The following PGCKA1 variants were observed in gnomAD, a reference collection of about 807,000 sequenced individuals.
PGCKA1 encodes the protein PDCD10 and GCKIII kinases associated 1.
chr4:37,526,794 T>C, the PGCKA1 span, among the ~76,000 whole-genome samples: 37 of 152,356 alleles, frequency 2.4e-4, no homozygotes, highest in African/African-American at 7.9e-4. Context: ...CATAAATGTC[T>C]GTGTTACAAG....
the PGCKA1 span, among the ~76,000 whole-genome samples, chr4:37,552,080 G>C: frequency 2.0e-5 from 3 of 152,216 alleles, no homozygotes; most frequent in Admixed American, 1.3e-4. Flanking sequence ...ATCAAAGACA[G>C]GCAGCCCGGG....
chr4:37,504,933 CT>C, the PGCKA1 span, among the ~76,000 whole-genome samples: 5 of 152,156 alleles, frequency 3.3e-5, no homozygotes, highest in Non-Finnish European at 7.3e-5. Flanking sequence ...CCTAATTTCT[CT>C]GGTTAGAACT....
the PGCKA1 span, among the ~76,000 whole-genome samples, chr4:37,556,488 C>G: frequency 6.6e-6 from 1 of 152,084 alleles, no homozygotes; most frequent in Non-Finnish European, 1.5e-5. Context: ...AGGCTGGTCT[C>G]GAACTCCTGA....
At chr4:37,470,766 A>G in the PGCKA1 span, among the ~76,000 whole-genome samples, 1 of 152,154 alleles carries the variant, frequency 6.6e-6, no homozygotes, top group African/African-American at 2.4e-5. Flanking sequence ...GTTTTGGTGA[A>G]CCCTAATATT....
the PGCKA1 span, among the ~76,000 whole-genome samples, chr4:37,541,888 A>T: frequency 1.6e-4 from 24 of 152,168 alleles, no homozygotes; most frequent in Non-Finnish European, 3.5e-4. Flanking sequence ...TACAGAGGAG[A>T]GAGTCCAGTG....
chr4:37,586,474 C>T, the PGCKA1 span, among the ~76,000 whole-genome samples: 318 of 152,164 alleles, frequency 2.1e-3, 1 homozygote, highest in African/African-American at 7.1e-3. Flanking sequence ...ACGGCTGGTC[C>T]GAGGGACTCT....
chr4:37,564,973 CACACACACACAG>C, the PGCKA1 span, among the ~76,000 whole-genome samples: 2,325 of 152,226 alleles, frequency 0.015, 73 homozygotes, highest in African/African-American at 0.054. Flanking sequence ...CACACGTACA[CACACACACACAG>C]ACACACACAC....
At chr4:37,549,307 G>A in the PGCKA1 span, among the ~76,000 whole-genome samples, 20 of 152,160 alleles carry the variant, frequency 1.3e-4, no homozygotes, top group South Asian at 3.3e-3. Flanking sequence ...TAGTCCAATT[G>A]CCTATCCCTT....
At chr4:37,498,383 G>A in the PGCKA1 span, among the ~76,000 whole-genome samples, 1 of 152,094 alleles carries the variant, frequency 6.6e-6, no homozygotes, top group African/African-American at 2.4e-5. Context: ...CTTTGGCTGT[G>A]TGGGATCTCT....
chr4:37,534,376 G>A, the PGCKA1 span, among the ~76,000 whole-genome samples: 3 of 152,140 alleles, frequency 2.0e-5, no homozygotes, highest in African/African-American at 4.8e-5. Flanking sequence ...TTAAAGCCAC[G>A]CCTTGGACTC....
At chr4:37,484,526 T>G in the PGCKA1 span, among the ~76,000 whole-genome samples, 1 of 152,118 alleles carries the variant, frequency 6.6e-6, no homozygotes, top group Non-Finnish European at 1.5e-5. Context: ...AGGGCCTTTG[T>G]GGGGAGCATA....
At chr4:37,483,083 G>A in the PGCKA1 span, among the ~76,000 whole-genome samples, 1 of 151,638 alleles carries the variant, frequency 6.6e-6, no homozygotes. Context: ...AATCATGGGG[G>A]CAGTTTCCCC....
the PGCKA1 span, among the ~76,000 whole-genome samples, chr4:37,482,969 G>A: frequency 6.6e-6 from 1 of 151,966 alleles, no homozygotes; most frequent in Non-Finnish European, 1.5e-5. Flanking sequence ...AGGGGCCAGG[G>A]GAAGAATGAT....
chr4:37,466,468 G>C, the PGCKA1 span, among the ~76,000 whole-genome samples: 11 of 152,240 alleles, frequency 7.2e-5, no homozygotes, highest in African/African-American at 2.6e-4. Context: ...TTTATTTTAA[G>C]AACAGTGAGA....
At chr4:37,476,663 A>C in the PGCKA1 span, among the ~76,000 whole-genome samples, 2 of 152,198 alleles carry the variant, frequency 1.3e-5, no homozygotes, top group South Asian at 2.1e-4. Context: ...CATTGTGCTA[A>C]AACATAGATG....
the PGCKA1 span, among the ~76,000 whole-genome samples, chr4:37,487,184 A>G: frequency 6.6e-6 from 1 of 152,188 alleles, no homozygotes; most frequent in African/African-American, 2.4e-5. Context: ...GGTTAAGGAA[A>G]TATTTCAAAA....
chr4:37,574,124 G>A, the PGCKA1 span, among the ~76,000 whole-genome samples: 72 of 151,752 alleles, frequency 4.7e-4, no homozygotes, highest in Non-Finnish European at 1.6e-4. Context: ...GGAGGCGGAG[G>A]TAGCAGTGAG....
At chr4:37,549,535 T>C in the PGCKA1 span, among the ~76,000 whole-genome samples, 1 of 151,540 alleles carries the variant, frequency 6.6e-6, no homozygotes, top group Admixed American at 6.6e-5. Flanking sequence ...AAACATAAAG[T>C]CCCCCCATGC....
chr4:37,473,168 T>G, the PGCKA1 span, among the ~76,000 whole-genome samples: 1 of 152,150 alleles, frequency 6.6e-6, no homozygotes, highest in East Asian at 1.9e-4. Flanking sequence ...CCCCAAATTT[T>G]GGGGGAAAGC....
Sources: allele counts gnomAD v4.1 joint callset (sites outside exome capture counted in the v4.1 genomes callset), GRCh38; gene constraint gnomAD v4.1.1; transcripts MANE v1.5; gene names NCBI Gene and HGNC (gene_info 2026-07-23, HGNC 2026-07-21).